CR2: variants seen among roughly 807,000 people sequenced by gnomAD.
CR2 encodes complement C3d receptor 2, also known as complement receptor type 2.
A neutral mutation model predicts 123.0 loss-of-function variants in CR2; 96 were observed. The observed-to-expected ratio is 0.78, with a 90% CI of 0.66 to 0.93. CR2 has a LOEUF of 0.93. CR2 is among the 40% of genes least tolerant of loss of function. The pLI, the probability that CR2 is intolerant of heterozygous loss-of-function variation, is 0.00. For synonymous variants in CR2, 484 were observed against 469.5 expected (o/e 1.03, Z -0.40); for missense variants, 1,258 against 1,361.0 (o/e 0.92, Z 1.19).
At chr1:207,458,059 A>ACACACAC (rs112497678) in intron 1 of CR2, among the ~76,000 whole-genome samples, 2 of 122,570 alleles carry the variant, frequency 1.6e-5, no homozygotes, top group African/African-American at 6.5e-5. Flanking sequence ...TCAAGGCCAC[A>ACACACAC]ACACACACAC....
At chr1:207,479,757 G>A (rs1187491062) in intron 17 of CR2, among the ~76,000 whole-genome samples, 1 of 152,108 alleles carries the variant, frequency 6.6e-6, no homozygotes, top group Non-Finnish European at 1.5e-5. Flanking sequence ...GGAACCTTGT[G>A]GTCATGTGCT....
intron 6 of CR2, among the ~76,000 whole-genome samples, chr1:207,470,521 C>G (rs565057655): frequency 1.4e-4 from 21 of 152,244 alleles, no homozygotes; most frequent in African/African-American, 5.1e-4. Context: ...TGAACAACAT[C>G]TGCAGCAGCC....
chr1:207,487,571 G>T (rs554983674), intron 19 of CR2, among the ~76,000 whole-genome samples: 7 of 152,260 alleles, frequency 4.6e-5, no homozygotes, highest in African/African-American at 9.6e-5. Flanking sequence ...CTCTTTCTAG[G>T]TTTTTTTCTA....
chr1:207,468,259 TACCC>T (rs1178413835), intron 2 of CR2: 1 of 496,254 alleles, frequency 2.0e-6, no homozygotes, highest in African/African-American at 1.9e-5. Flanking sequence ...TCCAACTCGC[TACCC>T]GTGGACAGCA....
At chr1:207,476,525 G>C (rs1658446537) in intron 15 of CR2, 106 bp downstream of exon 15, 1 of 985,988 alleles carries the variant, frequency 1.0e-6, no homozygotes, top group Non-Finnish European at 1.5e-6. Context: ...TGAATTAACT[G>C]TCTGATTACA....
chr1:207,468,957 G>T, intron 4 of CR2, 58 bp downstream of exon 4: 1 of 1,571,848 alleles, frequency 6.4e-7, no homozygotes, highest in Non-Finnish European at 8.7e-7. Flanking sequence ...TGCGTGGTGT[G>T]GACTGTGAAA....
At position 207,482,703 on chromosome 1, in the gene CR2, G is replaced by T. The variant is rs188518953; in HGVS notation, c.3188+2650G>T. 7.6e-4 allele frequency among the ~76,000 whole-genome samples: 115 copies of T among 152,294 alleles called. 1 individual carries two copies. The highest frequency in any genetic ancestry group is 6.3e-3 in the Admixed American group (96 of 15,288). ...ATTTGGTGAGGATGCAAAGCAAATG[G>T]TCAATATTTGGGAGTTTTAATCAGG... On this transcript the variant is annotated intron_variant, in intron 18 of 19. Coordinates refer to ENST00000367057, the MANE Select transcript of CR2 (RefSeq NM_001006658.3).
chr1:207,469,091 G>A (rs1658190625), intron 4 of CR2, 59 bp from the exon 5 acceptor site: 1 of 1,458,068 alleles, frequency 6.9e-7, no homozygotes, highest in Non-Finnish European at 9.6e-7. Flanking sequence ...GTAAGTAGAG[G>A]CTGCTGTTCT....
intron 1 of CR2, among the ~76,000 whole-genome samples, chr1:207,463,790 A>G (rs1658022915): frequency 3.3e-5 from 5 of 152,120 alleles, no homozygotes; most frequent in Admixed American, 2.6e-4. Flanking sequence ...CTCAGACAAT[A>G]TTGTAACCTG....
At chr1:207,455,324 T>C (rs1170179047) in intron 1 of CR2, among the ~76,000 whole-genome samples, 1 of 152,234 alleles carries the variant, frequency 6.6e-6, no homozygotes, top group African/African-American at 2.4e-5. Context: ...GTCATTTAGC[T>C]CCCTGATCTT....
chr1:207,464,838 A>G (rs1658053925), intron 1 of CR2, among the ~76,000 whole-genome samples: 1 of 152,164 alleles, frequency 6.6e-6, no homozygotes, highest in South Asian at 2.1e-4. Context: ...GGAAATAGAT[A>G]TATGGTACCT....
chr1:207,467,434 T>A (rs935940549), intron 2 of CR2, among the ~76,000 whole-genome samples: 2 of 152,172 alleles, frequency 1.3e-5, no homozygotes, highest in Non-Finnish European at 2.9e-5. Context: ...TTCAAATAAA[T>A]GCCTTTGAAA....
chr1:207,472,739 A>G, intron 9 of CR2, 33 bp from the exon 10 acceptor site: 2 of 1,606,974 alleles, frequency 1.2e-6, no homozygotes, highest in Non-Finnish European at 1.7e-6. Flanking sequence ...TAATACAGGA[A>G]CTCAATTCTA....
At chr1:207,467,196 G>C (rs1479566192) in intron 2 of CR2, among the ~76,000 whole-genome samples, 1 of 152,166 alleles carries the variant, frequency 6.6e-6, no homozygotes, top group Non-Finnish European at 1.5e-5. Context: ...GTCAGAGTTT[G>C]TTGGGGATGT....
At chr1:207,458,059 AACACACACACAC>A (rs59735642) in intron 1 of CR2, among the ~76,000 whole-genome samples, 37 of 122,662 alleles carry the variant, frequency 3.0e-4, no homozygotes, top group Non-Finnish European at 4.4e-4. Context: ...TCAAGGCCAC[AACACACACACAC>A]ACACACACAC....
chr1:207,457,316 A>G (rs1027088718), intron 1 of CR2, among the ~76,000 whole-genome samples: 1 of 152,210 alleles, frequency 6.6e-6, no homozygotes, highest in Non-Finnish European at 1.5e-5. Flanking sequence ...TCCTGTATTC[A>G]TGATCATGTT....
At chr1:207,456,005 A>G (rs1657825087) in intron 1 of CR2, among the ~76,000 whole-genome samples, 1 of 152,214 alleles carries the variant, frequency 6.6e-6, no homozygotes, top group Non-Finnish European at 1.5e-5. Flanking sequence ...GGTTCTTATG[A>G]TTGGAAAGGT....
intron 4 of CR2, 70 bp downstream of exon 4, chr1:207,468,969 C>G (rs966119787): frequency 4.0e-5 from 61 of 1,528,556 alleles, no homozygotes; most frequent in Non-Finnish European, 5.5e-5. Context: ...ACTGTGAAAC[C>G]TGCAGAAGTC....
intron 12 of CR2, 100 bp downstream of exon 12, chr1:207,473,985 C>T: frequency 9.0e-7 from 1 of 1,107,100 alleles, no homozygotes; most frequent in Non-Finnish European, 1.4e-6. Flanking sequence ...AGAGGCTCCT[C>T]ATTGTCACAG....
Sources: gnomAD v4.1 joint callset for allele counts (sites outside exome capture counted in the v4.1 genomes callset) on GRCh38, gnomAD v4.1.1 for gene constraint, MANE v1.5 for transcripts, NCBI Gene and HGNC (gene_info 2026-07-23, HGNC 2026-07-21) for gene names.